GALNT13: variants seen among roughly 807,000 people sequenced by gnomAD.
The protein encoded by GALNT13 is polypeptide N-acetylgalactosaminyltransferase 13.
Under a neutral mutation model 64.2 loss-of-function variants are expected in GALNT13, and 28 were observed. That is an observed-to-expected ratio of 0.44 (90% CI 0.32 to 0.60). The LOEUF (loss-of-function observed/expected upper bound fraction) is 0.60, where lower values mean the gene tolerates loss of function less well. Ranked by LOEUF, GALNT13 falls within the 20% of genes least tolerant of loss-of-function variation. The probability of loss-of-function intolerance (pLI) is 0.05; values close to 1 mark genes in which losing one functional copy is unlikely to be tolerated. For synonymous variants in GALNT13, 214 were observed against 224.6 expected, an observed-to-expected ratio of 0.95 and a Z score of 0.42; for missense variants, 577 against 669.8, an observed-to-expected ratio of 0.86 and a Z score of 1.53.
At chr2:153,463,769 C>G in the GALNT13 span, among the ~76,000 whole-genome samples, 4 of 152,050 alleles carry the variant, frequency 2.6e-5, no homozygotes, top group Admixed American at 6.6e-5. Flanking sequence ...TTAACTTGAA[C>G]TTGATTCTGG....
the GALNT13 span, among the ~76,000 whole-genome samples, chr2:153,412,658 C>CT: frequency 6.6e-6 from 1 of 152,168 alleles, no homozygotes; most frequent in South Asian, 2.1e-4. Flanking sequence ...TCCCTAAGGA[C>CT]TGAGTGTTTG....
At chr2:154,199,138 A>G (rs1253474865) in intron 4 of GALNT13, among the ~76,000 whole-genome samples, 1 of 151,906 alleles carries the variant, frequency 6.6e-6, no homozygotes, top group Admixed American at 6.6e-5. Context: ...TTTAAGTAAC[A>G]TGCTTGTATT....
At chr2:153,178,302 G>T in the GALNT13 span, among the ~76,000 whole-genome samples, 19,654 of 152,086 alleles carry the variant, frequency 0.13, 1,513 homozygotes, top group Non-Finnish European at 0.17. Context: ...TCATAATGGT[G>T]GTACTAAGTT....
At chr2:154,445,244 T>C (rs1453262433) in intron 12 of GALNT13, among the ~76,000 whole-genome samples, 1 of 152,004 alleles carries the variant, frequency 6.6e-6, no homozygotes, top group Non-Finnish European at 1.5e-5. Flanking sequence ...TTGGGACATA[T>C]GTTACAGTCA....
chr2:154,185,717 G>T (rs1686213169), intron 4 of GALNT13, among the ~76,000 whole-genome samples: 2 of 151,546 alleles, frequency 1.3e-5, no homozygotes, highest in African/African-American at 4.8e-5. Context: ...TCTCCTTGTT[G>T]AACTTCTCAT....
At chr2:154,121,141 T>C (rs1681918544) in intron 3 of GALNT13, among the ~76,000 whole-genome samples, 2 of 152,194 alleles carry the variant, frequency 1.3e-5, no homozygotes, top group South Asian at 4.1e-4. Flanking sequence ...CCATTCTTCT[T>C]ACCCTTCTAA....
At chr2:154,357,739 C>A (rs989486373) in intron 9 of GALNT13, among the ~76,000 whole-genome samples, 1 of 151,980 alleles carries the variant, frequency 6.6e-6, no homozygotes, top group Non-Finnish European at 1.5e-5. Context: ...ATTTATATCC[C>A]AGTATCAGTC....
chr2:153,180,035 A>T, the GALNT13 span, among the ~76,000 whole-genome samples: 1 of 152,052 alleles, frequency 6.6e-6, no homozygotes, highest in Non-Finnish European at 1.5e-5. Flanking sequence ...CTATTGCGTA[A>T]TTGCTTTGGC....
At chr2:153,682,518 C>T in the GALNT13 span, among the ~76,000 whole-genome samples, 3 of 151,666 alleles carry the variant, frequency 2.0e-5, no homozygotes, top group African/African-American at 7.3e-5. Flanking sequence ...TTTCTATCCT[C>T]ACAAGACAGT....
chr2:153,592,791 C>T, the GALNT13 span: 1 of 152,302 alleles, frequency 6.6e-6, no homozygotes, highest in Admixed American at 6.5e-5. Context: ...GGGAGACCCT[C>T]CTCTCCGGAA....
the GALNT13 span, among the ~76,000 whole-genome samples, chr2:153,846,631 C>T: frequency 2.0e-5 from 3 of 152,034 alleles, no homozygotes; most frequent in Non-Finnish European, 2.9e-5. Context: ...TTGTGACTCT[C>T]ATAAAGATAT....
intron 3 of GALNT13, among the ~76,000 whole-genome samples, chr2:153,968,386 C>T (rs1693518179): frequency 6.6e-6 from 1 of 152,220 alleles, no homozygotes. Flanking sequence ...CAAAGTCCCA[C>T]ACTTCCTTTG....
chr2:153,649,134 G>A, the GALNT13 span, among the ~76,000 whole-genome samples: 10 of 151,956 alleles, frequency 6.6e-5, no homozygotes, highest in Non-Finnish European at 1.2e-4. Flanking sequence ...TATTGCCTCA[G>A]TTTCAGAGCC....
At chr2:154,183,147 C>T (rs958937059) in intron 4 of GALNT13, among the ~76,000 whole-genome samples, 1 of 152,048 alleles carries the variant, frequency 6.6e-6, no homozygotes, top group African/African-American at 2.4e-5. Flanking sequence ...ATCAGTTAAG[C>T]CATTAGCTCC....
chr2:153,688,040 G>T, the GALNT13 span, among the ~76,000 whole-genome samples: 2 of 151,962 alleles, frequency 1.3e-5, no homozygotes, highest in South Asian at 4.1e-4. Context: ...TATTGTTGCT[G>T]TTAATTTCAG....
chr2:153,788,274 T>C, the GALNT13 span, among the ~76,000 whole-genome samples: 3 of 152,240 alleles, frequency 2.0e-5, no homozygotes, highest in Admixed American at 2.0e-4. Flanking sequence ...ACCGAAGAGA[T>C]TGCAGGCCTA....
intron 9 of GALNT13, among the ~76,000 whole-genome samples, chr2:154,333,794 C>A (rs1397893327): frequency 1.4e-5 from 2 of 145,132 alleles, no homozygotes; most frequent in East Asian, 2.0e-4. Flanking sequence ...AAAATGATGA[C>A]TATTTCTCCC....
At chr2:153,420,027 C>G in the GALNT13 span, among the ~76,000 whole-genome samples, 1 of 151,762 alleles carries the variant, frequency 6.6e-6, no homozygotes, top group Non-Finnish European at 1.5e-5. Context: ...TAAATATAAG[C>G]AAAGAAAGAT....
At chr2:154,001,539 A>G (rs1204153877) in intron 3 of GALNT13, among the ~76,000 whole-genome samples, 2 of 152,024 alleles carry the variant, frequency 1.3e-5, no homozygotes, top group Admixed American at 6.6e-5. Flanking sequence ...AAGAGAAGAA[A>G]CTGAAACGCA....
Sources: gnomAD v4.1 joint callset for allele counts (sites outside exome capture counted in the v4.1 genomes callset) on GRCh38, gnomAD v4.1.1 for gene constraint, MANE v1.5 for transcripts, NCBI Gene and HGNC (gene_info 2026-07-23, HGNC 2026-07-21) for gene names.